PARVA: variants seen among roughly 807,000 people sequenced by gnomAD.
PARVA encodes the protein alpha-parvin.
A neutral mutation model predicts 52.6 loss-of-function variants in PARVA; 25 were observed. The ratio of observed to expected loss-of-function variants is 0.48; its 90% CI spans 0.35 to 0.66. PARVA has a LOEUF of 0.66. PARVA is among the 30% of genes least tolerant of loss of function. The pLI is 0.01. For missense variants in PARVA, 373 were observed against 450.9 expected, an observed-to-expected ratio of 0.83 and a Z score of 1.56; for synonymous variants, 185 against 179.1, an observed-to-expected ratio of 1.03 and a Z score of -0.26.
intron 1 of PARVA, among the ~76,000 whole-genome samples, chr11:12,392,483 C>T (rs374297590): frequency 1.3e-5 from 2 of 151,918 alleles, no homozygotes; most frequent in African/African-American, 2.4e-5. Context: ...TGGCCAGGCT[C>T]GTCTCGAACT....
intron 4 of PARVA, among the ~76,000 whole-genome samples, chr11:12,482,350 G>T (rs749411679): frequency 2.0e-5 from 3 of 151,954 alleles, no homozygotes; most frequent in Non-Finnish European, 4.4e-5. Context: ...AAGCTGGCCG[G>T]GTGTGGTGGC....
chr11:12,474,684 A>C (rs897873416), intron 3 of PARVA, among the ~76,000 whole-genome samples: 8 of 152,056 alleles, frequency 5.3e-5, no homozygotes, highest in African/African-American at 1.7e-4. Flanking sequence ...AGTACAAAAA[A>C]TTAGCTGGTG....
intron 1 of PARVA, among the ~76,000 whole-genome samples, chr11:12,401,871 G>A (rs1174214929): frequency 1.3e-5 from 2 of 152,194 alleles, no homozygotes; most frequent in African/African-American, 4.8e-5. Flanking sequence ...ATAGGCATGG[G>A]AGTGTGATTG....
intron 1 of PARVA, among the ~76,000 whole-genome samples, chr11:12,428,930 T>C (rs1940276037): frequency 6.6e-6 from 1 of 152,210 alleles, no homozygotes; most frequent in Non-Finnish European, 1.5e-5. Context: ...TGTGGGTTGG[T>C]AAAAGCATGA....
intron 4 of PARVA, among the ~76,000 whole-genome samples, chr11:12,483,052 A>G (rs2135046841): frequency 6.6e-6 from 1 of 152,348 alleles, no homozygotes; most frequent in East Asian, 1.9e-4. Flanking sequence ...ATGGGGAGCA[A>G]TAGCATGCCT....
At chr11:12,443,104 G>A (rs190795384) in intron 1 of PARVA, among the ~76,000 whole-genome samples, 176 of 149,138 alleles carry the variant, frequency 1.2e-3, no homozygotes, top group South Asian at 2.1e-3. Flanking sequence ...CTTGTGATCC[G>A]CCCGCCTGGG....
intron 10 of PARVA, among the ~76,000 whole-genome samples, chr11:12,516,476 C>T (rs916202186): frequency 3.3e-5 from 5 of 152,058 alleles, no homozygotes; most frequent in Admixed American, 6.6e-5. Flanking sequence ...AGTGTATGCT[C>T]ACTTCACCCA....
intron 1 of PARVA, among the ~76,000 whole-genome samples, chr11:12,417,460 T>C (rs1227863237): frequency 1.3e-5 from 2 of 152,218 alleles, no homozygotes; most frequent in Non-Finnish European, 2.9e-5. Flanking sequence ...TGTTTATACT[T>C]GCATTGAATA....
intron 1 of PARVA, among the ~76,000 whole-genome samples, chr11:12,427,433 A>G (rs1162810173): frequency 2.6e-5 from 4 of 152,212 alleles, no homozygotes; most frequent in African/African-American, 4.8e-5. Context: ...CAGAAAAATG[A>G]AAATCATTGA....
chr11:12,410,531 A>G (rs1301627951), intron 1 of PARVA, among the ~76,000 whole-genome samples: 2 of 152,244 alleles, frequency 1.3e-5, no homozygotes, highest in African/African-American at 4.8e-5. Flanking sequence ...AAGGATTGCT[A>G]TACGAGGGCT....
intron 1 of PARVA, among the ~76,000 whole-genome samples, chr11:12,439,625 G>A (rs12796001): frequency 4.6e-5 from 7 of 152,104 alleles, no homozygotes; most frequent in Non-Finnish European, 8.8e-5. Flanking sequence ...CCAGCAATCC[G>A]TGTCACTACC....
At position 12,507,340 on chromosome 11, in the gene PARVA, G is replaced by A. The variant is rs146596434; in HGVS notation, c.658-1244G>A. On this transcript the variant is annotated intron_variant, in intron 6 of 12. Coordinates refer to ENST00000334956, the MANE Select transcript of PARVA (RefSeq NM_018222.5). ...TGTCACAGCATCCTCCAGGTGTCTGGTGCTGGTGGTGGAGGGACGTAGTAG... is the reference window on the plus strand; with the variant it reads ...TGTCACAGCATCCTCCAGGTGTCTGATGCTGGTGGTGGAGGGACGTAGTAG... Among the ~76,000 whole-genome samples, 804 of 152,226 alleles carry A rather than the reference G, an allele frequency of 5.3e-3. 2 individuals carry two copies. The highest frequency in any genetic ancestry group is 0.044 in the Middle Eastern group (13 of 294).
intron 12 of PARVA, among the ~76,000 whole-genome samples, chr11:12,523,109 AT>A (rs762950590): frequency 2.4e-4 from 37 of 152,226 alleles, no homozygotes; most frequent in South Asian, 6.2e-4. Context: ...TTTAAAAAAA[AT>A]TTTTAATGAC....
chr11:12,489,297 G>T (rs1420851327), intron 4 of PARVA, among the ~76,000 whole-genome samples: 1 of 152,048 alleles, frequency 6.6e-6, no homozygotes, highest in Non-Finnish European at 1.5e-5. Flanking sequence ...CTGGAAGGTA[G>T]ATATGAAAAA....
In PARVA at chr11:12,513,972, A is replaced by G. The variant is rs1941536997; in HGVS notation, c.799-25A>G. The G allele has an allele frequency of 2.5e-6, 4 of 1,607,804 alleles. No individual in the cohort carries two copies. In the East Asian group the frequency reaches 8.9e-5, roughly 36 times the overall value. ...CTGCACTAGTGCGAGTCCCCAGCTT[A>G]GGGCCTGCTTTGCTTCTCTTTTAGA... On this transcript the variant is annotated intron_variant, in intron 9 of 12. Transcript: ENST00000334956.
At chr11:12,472,504 G>A (rs1009189245) in intron 1 of PARVA, among the ~76,000 whole-genome samples, 1 of 152,112 alleles carries the variant, frequency 6.6e-6, no homozygotes, top group African/African-American at 2.4e-5. Flanking sequence ...TACCAGCCTC[G>A]CCATGCAAGT....
intron 7 of PARVA, among the ~76,000 whole-genome samples, chr11:12,510,617 G>A (rs937394414): frequency 1.3e-5 from 2 of 152,130 alleles, no homozygotes; most frequent in Non-Finnish European, 2.9e-5. Flanking sequence ...CCACATGGCC[G>A]GGGAGGCCTC....
At chr11:12,477,525 G>A (rs1941031366) in intron 3 of PARVA, among the ~76,000 whole-genome samples, 1 of 152,094 alleles carries the variant, frequency 6.6e-6, no homozygotes, top group African/African-American at 2.4e-5. Context: ...AGGCCAGTAG[G>A]GCTCACACTT....
chr11:12,441,225 GTTCT>G (rs1343807407), intron 1 of PARVA, among the ~76,000 whole-genome samples: 2 of 152,146 alleles, frequency 1.3e-5, no homozygotes, highest in South Asian at 2.1e-4. Context: ...CTAAATTGTG[GTTCT>G]TTATTTTTCC....
Sources: gnomAD v4.1 joint callset for allele counts (sites outside exome capture counted in the v4.1 genomes callset) on GRCh38, gnomAD v4.1.1 for gene constraint, MANE v1.5 for transcripts, NCBI Gene and HGNC (gene_info 2026-07-23, HGNC 2026-07-21) for gene names.